Variants in PRB4 observed in about 807,000 individuals in gnomAD.
PRB4 encodes the protein proline rich protein BstNI subfamily 4, also known as basic salivary proline-rich protein 4.
Under a neutral mutation model 9.1 loss-of-function variants are expected in PRB4, and 14 were observed. The observed-to-expected ratio is 1.54, with a 90% CI of 1.02 to 2.41. PRB4 has a LOEUF of 2.41. Among genes scored for constraint, PRB4 ranks in the 30% most tolerant of loss-of-function variants. The pLI is 0.00. For missense variants in PRB4, 381 were observed against 299.3 expected (o/e 1.27, Z -2.02); for synonymous variants, 102 against 108.5 (o/e 0.94, Z 0.37).
Position 11,309,354 on chromosome 12 carries a change from A to G in PRB4, c.100+16T>C. ...AAAAGGGAGTCAAAACAGATTGAGA[A>G]TGAATTGGGATTTACCTGATATTAG... On this transcript the variant is annotated intron_variant, in intron 2 of 3. Transcript: ENST00000279575. 3.1e-6 allele frequency: 5 copies of G among 1,614,122 alleles called. No homozygotes were observed. The highest frequency in any genetic ancestry group is 4.5e-5 in the East Asian group (2 of 44,886).
chr12:11,309,762 T>C (rs997063806), intron 1 of PRB4, among the ~76,000 whole-genome samples: 4 of 152,208 alleles, frequency 2.6e-5, no homozygotes, highest in Non-Finnish European at 4.4e-5. Context: ...ACATGTTTTC[T>C]CAATAGGGGT....
chr12:11,308,083 A>G, intron 3 of PRB4, 138 bp downstream of exon 3: 2 of 1,011,480 alleles, frequency 2.0e-6, no homozygotes, highest in Non-Finnish European at 2.9e-6. Context: ...ACCCTATTCC[A>G]GAGTATCTGA....
chr12:11,310,080 CA>C (rs1863017738), intron 1 of PRB4, among the ~76,000 whole-genome samples: 1 of 152,194 alleles, frequency 6.6e-6, no homozygotes, highest in African/African-American at 2.4e-5. Flanking sequence ...GCAGCCTTCA[CA>C]GCACAGTTCT....
At chr12:11,310,126 C>G (rs1218491551) in intron 1 of PRB4, among the ~76,000 whole-genome samples, 3 of 152,288 alleles carry the variant, frequency 2.0e-5, no homozygotes, top group Admixed American at 6.5e-5. Flanking sequence ...TTCTCATTCC[C>G]CTGGAACAAA....
rs1862998703 is a variant in PRB4 at position 11,309,315 on chromosome 12, C to G, written c.100+55G>C. The G allele has an allele frequency of 3.7e-6, 6 of 1,613,328 alleles. No individual in the cohort carries two copies. The Admixed American group carries it at 1.0e-4, about 27-fold the overall frequency. ...ATAAGAAGACACTGGAGAAATGATCCATTTGTAAGCAGAAAAAGGGAGTCA... is the reference window on the plus strand; with the variant it reads ...ATAAGAAGACACTGGAGAAATGATCGATTTGTAAGCAGAAAAAGGGAGTCA... On this transcript the variant is annotated intron_variant, in intron 2 of 3. Transcript: ENST00000279575.
Position 11,308,325 on chromosome 12 carries a change from G to T in PRB4, c.658C>A (p.Pro220Thr), listed in dbSNP as rs574597591. ...GGTGGCCCCTGGGGCTTTCCAGCAGGAGGTGCCTGAGGCTGCTGGGGATTG... is the reference window on the plus strand; with the variant it reads ...GGTGGCCCCTGGGGCTTTCCAGCAGTAGGTGCCTGAGGCTGCTGGGGATTG... ...GGNPQQPQAP[P>T]AGKPQGPPPP... The change falls in exon 3 of 4, where the codon CCT becomes ACT. Residue 220 changes from proline (P) to threonine (T), a missense_variant. Pro to Thr is a conservative substitution (Grantham distance 38). This residue lies in a region of PRB4 where 204 missense variants were observed against 134.4 expected (regional missense o/e 1.52). Transcript: ENST00000279575. 2.5e-6 allele frequency: 4 copies of T among 1,609,058 alleles called. No homozygotes were observed. Among genetic ancestry groups the T allele is most frequent in the South Asian group, 1.1e-5 (1 of 90,614 alleles).
Position 11,309,243 on chromosome 12 carries a change from A to G in PRB4, c.100+127T>C, listed in dbSNP as rs758203401. 332 of 1,502,916 alleles carry G rather than the reference A, an allele frequency of 2.2e-4. 4 individuals carry two copies. Among genetic ancestry groups the G allele is most frequent in the Admixed American group, 6.5e-4 (37 of 57,050 alleles). 93.1% of individuals were successfully genotyped at this position (1,502,916 alleles called of 1,614,324 possible). A position where few individuals can be genotyped will look rare whatever the true frequency, so the allele number is the denominator to read the frequency against. Reference sequence around the variant, plus strand: ...TCAAGTTTGCATGAAGATTGCCTATATCATTAGGGGCAATAACATTAATCA... The same window carrying G: ...TCAAGTTTGCATGAAGATTGCCTATGTCATTAGGGGCAATAACATTAATCA... On this transcript the variant is annotated intron_variant, in intron 2 of 3. Transcript: ENST00000279575.
chr12:11,308,149 G>T (rs1166963937), intron 3 of PRB4, 72 bp downstream of exon 3: 7 of 1,500,872 alleles, frequency 4.7e-6, no homozygotes, highest in South Asian at 1.3e-5. Context: ...GGTTTTAGTT[G>T]ATTCATTGGC....
Position 11,308,226 on chromosome 12 carries a change from A to T in PRB4, c.*13T>A, listed in dbSNP as rs370152923. The T allele has an allele frequency of 2.5e-6, 4 of 1,608,042 alleles. No individual in the cohort carries two copies. The Admixed American group carries it at 5.1e-5, about 21-fold the overall frequency. On this transcript the variant is annotated 3_prime_UTR_variant, in exon 3 of 4. Coordinates refer to ENST00000279575, the MANE Select transcript of PRB4 (RefSeq NM_002723.6). Reference sequence around the variant, plus strand: ...ATAATAAAGTGGAATCATACCTGTCATTGAATCCTAGATTACTGGGGAGGC... The same window carrying T: ...ATAATAAAGTGGAATCATACCTGTCTTTGAATCCTAGATTACTGGGGAGGC...
At chr12:11,309,284 G>T in intron 2 of PRB4, 86 bp downstream of exon 2, 2 of 1,600,982 alleles carry the variant, frequency 1.2e-6, no homozygotes, top group Non-Finnish European at 1.7e-6. Flanking sequence ...TGAAAGGAAA[G>T]TGTTGATAAG....
In PRB4 at chr12:11,308,309, T is replaced by G. The variant is rs763390486; in HGVS notation, c.674A>C (p.Gln225Pro). 1.2e-6 allele frequency: 2 copies of G among 1,610,026 alleles called. No individual in the cohort carries two copies. The stretch of plus-strand genomic sequence containing the variant: ...CCCTTGAGGAGGTGGAGGTGGCCCC[T>G]GGGGCTTTCCAGCAGGAGGTGCCTG... ...QPQAPPAGKP[Q>P]GPPPPPQGGR... Residue 225 changes from glutamine (Q) to proline (P), a missense_variant, in exon 3 of 4, where the codon CAG becomes CCG. Physicochemically the swap from Gln to Pro is moderately conservative, Grantham distance 76. Coordinates refer to ENST00000279575, the MANE Select transcript of PRB4 (RefSeq NM_002723.6).
At chr12:11,309,699 A>G (rs1166663387) in intron 1 of PRB4, among the ~76,000 whole-genome samples, 1 of 152,128 alleles carries the variant, frequency 6.6e-6, no homozygotes. Context: ...CTTCAATGTG[A>G]TATTTTGGTG....
At position 11,310,372 on chromosome 12, in the gene PRB4, G is replaced by C; in HGVS notation, c.27C>G (p.Ala9=). The change falls in exon 1 of 4, where the codon GCC becomes GCG. Residue 9 remains alanine (A), a synonymous_variant. Transcript: ENST00000279575. Reference sequence around the variant, plus strand: ...TCTCAGCTGAGCTCAGGGCCAGCAGGGCCACTGACAGCAGAATCAGCAGCA... The same window carrying C: ...TCTCAGCTGAGCTCAGGGCCAGCAGCGCCACTGACAGCAGAATCAGCAGCA... MLLILLSV[A]LLALSSAESS... 1 of 1,614,156 alleles carries C rather than the reference G, an allele frequency of 6.2e-7. No homozygotes were observed.
In PRB4 at chr12:11,308,861, G is replaced by A. The variant is rs766178437; in HGVS notation, c.122C>T (p.Pro41Leu). ...ACGTTGGGGCTGGTTTCCTCCTTGT[G>A]GGCGTCGTCCTTCTGGCTTTCCTGG... ...LISGKPEGRRPQGGNQPQRPP... is the reference protein window; with the variant it reads ...LISGKPEGRRLQGGNQPQRPP... Residue 41 changes from proline (P) to leucine (L), a missense_variant, in exon 3 of 4, where the codon CCA (proline) becomes CTA (leucine). This residue lies in a region of PRB4 where 151 missense variants were observed against 105.8 expected (regional missense o/e 1.43). Coordinates refer to ENST00000279575, the MANE Select transcript of PRB4 (RefSeq NM_002723.6). 3 of 1,592,840 alleles carry A rather than the reference G, an allele frequency of 1.9e-6. No individual in the cohort carries two copies. The highest frequency in any genetic ancestry group is 1.7e-5 in the Admixed American group (1 of 58,008).
In PRB4 at chr12:11,309,415, A is replaced by T. The variant is rs576126129; in HGVS notation, c.65-10T>A. 5.6e-6 allele frequency: 9 copies of T among 1,614,016 alleles called. No individual in the cohort carries two copies. The highest frequency in any genetic ancestry group is 7.6e-6 in the Non-Finnish European group (9 of 1,179,998). On this transcript the variant is annotated splice_polypyrimidine_tract_variant and intron_variant, in intron 1 of 3. Transcript: ENST00000279575. ...TCTTCCTGGCTGACATCTAGAAGAG[A>T]AGCACAGGATGATGGGAAATGTTAC...
intron 2 of PRB4, 29 bp downstream of exon 2, chr12:11,309,341 A>G (rs1834857): frequency 0.84 from 1,356,439 of 1,613,708 alleles, 571,991 homozygotes; most frequent in Non-Finnish European, 0.86. Flanking sequence ...AAGGGAGTCA[A>G]AACAGATTGA....
Position 11,308,441 on chromosome 12 carries a change from C to T in PRB4, c.542G>A (p.Gly181Glu), listed in dbSNP as rs1417301448. The T allele has an allele frequency of 3.1e-6, 5 of 1,613,562 alleles. No individual in the cohort carries two copies. The highest frequency in any genetic ancestry group is 1.1e-5 in the South Asian group (1 of 91,040). The part of the protein sequence containing the change: ...NKSRSARSPP[G>E]KPQGPPQQEG... Reference sequence around the variant, plus strand: ...TTGTTGGGGTGGTCCTTGTGGCTTTCCTGGAGGAGATCGGGCACTTCGGGA... The same window carrying T: ...TTGTTGGGGTGGTCCTTGTGGCTTTTCTGGAGGAGATCGGGCACTTCGGGA... Residue 181 changes from glycine (G) to glutamate (E), a missense_variant, in exon 3 of 4, where the codon GGA becomes GAA. Gly to Glu is a moderately conservative substitution (Grantham distance 98, BLOSUM62 -2). Around this residue, in one of 3 missense-constraint regions of PRB4, gnomAD observed 204 missense variants for 134.4 expected, o/e 1.52. Transcript: ENST00000279575.
At position 11,308,800 on chromosome 12, in the gene PRB4, G is replaced by A. The variant is rs778696275; in HGVS notation, c.183C>T (p.Pro61=). ...CTTGGGACTGGTTTCCTCCTTGTGG[G>A]GGTGGTCCTTGTGGCTTTCCTGGAG... ...PPPPGKPQGP[P]PQGGNQSQGP... is the part of the protein sequence containing the mutation. The change falls in exon 3 of 4, where the codon CCC becomes CCT. Residue 61 remains proline (P), a synonymous_variant. Transcript: ENST00000279575. The A allele has an allele frequency of 2.3e-5, 36 of 1,593,456 alleles. No homozygotes were observed. The Middle Eastern group carries it at 1.2e-3, about 52-fold the overall frequency.
chr12:11,308,189 G>A, intron 3 of PRB4, 32 bp downstream of exon 3: 1 of 1,577,942 alleles, frequency 6.3e-7, no homozygotes, highest in Middle Eastern at 1.7e-4. Flanking sequence ...GTAGCAATTA[G>A]AGTCCTGATG....
Sources: allele counts gnomAD v4.1 joint callset (sites outside exome capture counted in the v4.1 genomes callset), GRCh38; gene constraint gnomAD v4.1.1; regional missense constraint gnomAD v4.1.1; transcripts MANE v1.5; gene names NCBI Gene and HGNC (gene_info 2026-07-23, HGNC 2026-07-21).